KIF1B: variants seen among roughly 807,000 people sequenced by gnomAD.
KIF1B encodes kinesin-like protein KIF1B.
In KIF1B, 76 loss-of-function variants were observed where a neutral mutation model predicts 241.9. The ratio of observed to expected loss-of-function variants is 0.31; its 90% CI spans 0.26 to 0.38. The LOEUF is 0.38. KIF1B is among the 10% of genes least tolerant of loss of function. KIF1B has a pLI of 1.00. For missense variants in KIF1B, 1,622 were observed against 2,271.4 expected (o/e 0.71, Z 5.81); for synonymous variants, 750 against 796.7 (o/e 0.94, Z 0.99).
intron 27 of KIF1B, among the ~76,000 whole-genome samples, chr1:10,332,804 C>T (rs1413487543): frequency 1.4e-5 from 2 of 148,120 alleles, no homozygotes; most frequent in African/African-American, 2.5e-5. Context: ...CATGAGCCAC[C>T]GCGCCTGGCC....
intron 10 of KIF1B, chr1:10,274,913 A>G (rs1164254221): frequency 1.5e-5 from 6 of 396,734 alleles, no homozygotes; most frequent in Non-Finnish European, 2.5e-5. Context: ...TTTCCTTCAC[A>G]GTAAGAAAAA....
At chr1:10,328,922 A>G (rs1053309131) in intron 27 of KIF1B, among the ~76,000 whole-genome samples, 1 of 152,262 alleles carries the variant, frequency 6.6e-6, no homozygotes, top group Non-Finnish European at 1.5e-5. Context: ...ACTAGCAAAA[A>G]TGAATATCCT....
At chr1:10,363,489 C>A in intron 41 of KIF1B, 145 bp downstream of exon 41, 1 of 694,634 alleles carries the variant, frequency 1.4e-6, no homozygotes. Context: ...TCCAGGAGTT[C>A]AAGAGCAGCC....
intron 41 of KIF1B, among the ~76,000 whole-genome samples, chr1:10,364,815 G>T (rs1347079741): frequency 2.0e-5 from 3 of 151,552 alleles, no homozygotes; most frequent in Admixed American, 2.0e-4. Flanking sequence ...GACCATCCTG[G>T]CTAACACAGT....
chr1:10,290,138 T>C (rs1402183586), intron 15 of KIF1B, among the ~76,000 whole-genome samples: 1 of 152,076 alleles, frequency 6.6e-6, no homozygotes, highest in African/African-American at 2.4e-5. Context: ...TTAAATTAAA[T>C]TAAATTTAAT....
intron 6 of KIF1B, 60 bp from the exon 7 acceptor site, chr1:10,268,092 T>G (rs140938745): frequency 7.7e-6 from 8 of 1,038,506 alleles, no homozygotes; most frequent in Non-Finnish European, 1.2e-5. Context: ...GAGCCTGCTG[T>G]CCATTTCAAC....
chr1:10,233,931 C>T (rs1333926388), intron 2 of KIF1B, among the ~76,000 whole-genome samples: 3 of 151,970 alleles, frequency 2.0e-5, no homozygotes, highest in Non-Finnish European at 4.4e-5. Flanking sequence ...CGTGAACCAC[C>T]GCGCCTGGCC....
At chr1:10,236,024 G>A (rs1647047000) in intron 2 of KIF1B, among the ~76,000 whole-genome samples, 1 of 152,052 alleles carries the variant, frequency 6.6e-6, no homozygotes, top group Admixed American at 6.6e-5. Context: ...TCTAATCCCA[G>A]CACTTTGGGA....
intron 4 of KIF1B, 94 bp downstream of exon 4, chr1:10,258,766 C>T (rs1019887793): frequency 8.0e-6 from 10 of 1,257,032 alleles, no homozygotes; most frequent in South Asian, 1.3e-5. Context: ...AACATTTATG[C>T]GGGGATTGTT....
intron 1 of KIF1B, chr1:10,211,482 C>G (rs35111552): frequency 0.25 from 37,571 of 151,880 alleles, 4,887 homozygotes; most frequent in Admixed American, 0.31. Context: ...ACTGGGATTA[C>G]TCGGGCAGCC....
At chr1:10,293,086 C>CT (rs33954582) in intron 17 of KIF1B, among the ~76,000 whole-genome samples, 136,002 of 145,008 alleles carry the variant, frequency 0.94, 63,832 homozygotes, top group South Asian at 0.97. Flanking sequence ...GGCCACATAA[C>CT]TTTTTTTTTT....
chr1:10,259,853 C>G (rs772711653), intron 4 of KIF1B, among the ~76,000 whole-genome samples: 1 of 151,548 alleles, frequency 6.6e-6, no homozygotes, highest in Non-Finnish European at 1.5e-5. Flanking sequence ...AGGCTGGTCT[C>G]GAATGGACCT....
intron 22 of KIF1B, among the ~76,000 whole-genome samples, chr1:10,302,229 C>T (rs1253951659): frequency 2.6e-5 from 4 of 152,014 alleles, no homozygotes; most frequent in African/African-American, 9.7e-5. Context: ...TAATTTATTT[C>T]TCAAAATTTT....
At chr1:10,246,347 A>T (rs1647211611) in intron 2 of KIF1B, among the ~76,000 whole-genome samples, 1 of 152,192 alleles carries the variant, frequency 6.6e-6, no homozygotes, top group Non-Finnish European at 1.5e-5. Flanking sequence ...ATCCTGAATC[A>T]GTTACTTTTT....
chr1:10,286,013 G>A (rs1171765326), intron 15 of KIF1B, among the ~76,000 whole-genome samples: 2 of 151,432 alleles, frequency 1.3e-5, no homozygotes, highest in African/African-American at 4.8e-5. Flanking sequence ...TTTTCCATAT[G>A]TTAGGTACTC....
chr1:10,228,126 A>T (rs1250497171), intron 1 of KIF1B, among the ~76,000 whole-genome samples: 2 of 152,080 alleles, frequency 1.3e-5, no homozygotes, highest in Non-Finnish European at 2.9e-5. Flanking sequence ...AGGAGGTTGC[A>T]GTGAGCCAAG....
intron 27 of KIF1B, among the ~76,000 whole-genome samples, chr1:10,327,478 G>A (rs911571429): frequency 5.4e-5 from 8 of 149,280 alleles, no homozygotes; most frequent in Non-Finnish European, 1.0e-4. Flanking sequence ...TCCAGCCTGG[G>A]TGACAAGAGC....
At chr1:10,321,204 A>G (rs567085538) in intron 23 of KIF1B, among the ~76,000 whole-genome samples, 1 of 151,912 alleles carries the variant, frequency 6.6e-6, no homozygotes, top group Non-Finnish European at 1.5e-5. Flanking sequence ...CCTGGGTTCA[A>G]GCAATTCTCA....
intron 2 of KIF1B, among the ~76,000 whole-genome samples, chr1:10,251,316 T>C (rs981178988): frequency 2.8e-5 from 4 of 144,366 alleles, no homozygotes; most frequent in Non-Finnish European, 6.0e-5. Flanking sequence ...AACTCATTGG[T>C]GTAGTTTTTC....
Sources: gnomAD v4.1 joint callset for allele counts (sites outside exome capture counted in the v4.1 genomes callset) on GRCh38, gnomAD v4.1.1 for gene constraint, MANE v1.5 for transcripts, NCBI Gene and HGNC (gene_info 2026-07-23, HGNC 2026-07-21) for gene names.